The following ID2 variants were observed in gnomAD, a reference collection of about 807,000 sequenced individuals.
The protein encoded by ID2 is inhibitor of DNA binding 2.
Under a neutral mutation model 8.3 loss-of-function variants are expected in ID2, and 2 were observed. The ratio of observed to expected loss-of-function variants is 0.24; its 90% confidence interval spans 0.10 to 0.76. The LOEUF (loss-of-function observed/expected upper bound fraction) is 0.76, where lower values mean the gene tolerates loss of function less well. ID2 is among the 30% of genes least tolerant of loss of function. The pLI is 0.73. For missense variants in ID2, 155 were observed against 167.0 expected, an observed-to-expected ratio of 0.93 and a Z score of 0.40; for synonymous variants, 112 against 72.3, an observed-to-expected ratio of 1.55 and a Z score of -2.79.
In ID2 at chr2:8,682,245, C is replaced by A. The variant is rs200831448; in HGVS notation, c.80C>A (p.Thr27Asn). 1 of 1,614,144 alleles carries A rather than the reference C, an allele frequency of 6.2e-7. No individual in the cohort carries two copies. The highest frequency in any genetic ancestry group is 1.7e-5 in the Admixed American group (1 of 60,028). ...AGCCTGGGCATCTCCCGGAGCAAAA[C>A]CCCTGTGGACGACCCGATGAGCCTG... ...DHSLGISRSKTPVDDPMSLLY... is the reference protein window; with the variant it reads ...DHSLGISRSKNPVDDPMSLLY... The change falls in exon 1 of 3, where the codon ACC (threonine) becomes AAC (asparagine). Residue 27 changes from threonine to asparagine, a missense_variant. Thr to Asn is a moderately conservative substitution (Grantham distance 65). Around this residue, in one of 3 missense-constraint regions of ID2, gnomAD observed 73 missense variants for 72.2 expected, o/e 1.01. Coordinates refer to ENST00000396290, the MANE Select transcript of ID2 (RefSeq NM_002166.5).
chr2:8,682,659 G>A lies in ID2; in HGVS notation c.348+146G>A, dbSNP rs115399969. 3,798 of 720,686 alleles carry A rather than the reference G, an allele frequency of 5.3e-3. 116 individuals carry two copies. In the African/African-American group the frequency reaches 0.058, roughly 11 times the overall value. The allele number at this position is 720,686 out of a possible 1,614,324, so 44.6% of individuals were successfully genotyped here. A position where few individuals can be genotyped will look rare whatever the true frequency, so the allele number is the denominator to read the frequency against. ...TTCAGAATCTGCTGTAGATTGAGCT[G>A]TGCGTGAAATTGCTAGTAAGTTCTG... On this transcript the variant is annotated intron_variant, in intron 1 of 2. Coordinates refer to ENST00000396290, the MANE Select transcript of ID2 (RefSeq NM_002166.5).
In ID2 at chr2:8,683,275, C is replaced by T. The variant is rs967781290; in HGVS notation, c.*7+369C>T. On this transcript the variant is annotated intron_variant, in intron 2 of 2. Coordinates refer to ENST00000396290, the MANE Select transcript of ID2 (RefSeq NM_002166.5). ...TACCGCCACAAATTCCATAGTGATCCTCCTTCCCTAAAACTATAGTCCTCT... is the reference window on the plus strand; with the variant it reads ...TACCGCCACAAATTCCATAGTGATCTTCCTTCCCTAAAACTATAGTCCTCT... 9.8e-5 allele frequency among the ~76,000 whole-genome samples: 15 copies of T among 152,320 alleles called. No homozygotes were observed. The South Asian group carries it at 1.4e-3, about 15-fold the overall frequency.
In ID2 at chr2:8,682,521, C is replaced by G. The variant is rs751759340; in HGVS notation, c.348+8C>G. On this transcript the variant is annotated splice_region_variant and intron_variant, in intron 1 of 2. Coordinates refer to ENST00000396290, the MANE Select transcript of ID2 (RefSeq NM_002166.5). ...AGCATCCTGTCCTTGCAGGTAAGACCTGCTCCGGGGTCCCCGCCCCGCCGC... is the reference window on the plus strand; with the variant it reads ...AGCATCCTGTCCTTGCAGGTAAGACGTGCTCCGGGGTCCCCGCCCCGCCGC... The G allele has an allele frequency of 3.1e-6, 5 of 1,604,104 alleles. No homozygotes were observed. The Middle Eastern group carries it at 5.0e-4, about 160-fold the overall frequency.
Position 8,682,152 on chromosome 2 carries a change from C to T in ID2, c.-14C>T, listed in dbSNP as rs763950440. 1.3e-5 allele frequency: 21 copies of T among 1,605,080 alleles called. No homozygotes were observed. The highest frequency in any genetic ancestry group is 4.4e-5 in the South Asian group (4 of 90,950). On this transcript the variant is annotated 5_prime_UTR_variant, in exon 1 of 3. Coordinates refer to ENST00000396290, the MANE Select transcript of ID2 (RefSeq NM_002166.5). ...GCCAGCTCCCTCCCGGTCTCGCCTT[C>T]CCTCGCGGTCAGCATGAAAGCCTTC... is the stretch of plus-strand genomic sequence containing the variant.
rs1311210075 is a variant in ID2, at chr2:8,684,158, C to T, written c.*481C>T. ...TATAAATATATCTATTTGAGTGAAACCTTGTGAACTCTTTAATTAGAGTTT... is the reference window on the plus strand; with the variant it reads ...TATAAATATATCTATTTGAGTGAAATCTTGTGAACTCTTTAATTAGAGTTT... On this transcript the variant is annotated 3_prime_UTR_variant, in exon 3 of 3. Coordinates refer to ENST00000396290, the MANE Select transcript of ID2 (RefSeq NM_002166.5). The T allele has an allele frequency of 1.3e-5, 2 of 152,036 alleles. No individual in the cohort carries two copies. The highest frequency in any genetic ancestry group is 2.9e-5 in the Non-Finnish European group (2 of 67,978). 9.4% of individuals were successfully genotyped at this position (152,036 alleles called of 1,614,324 possible). A position where few individuals can be genotyped will look rare whatever the true frequency, so the allele number is the denominator to read the frequency against.
In ID2 at chr2:8,683,672, C is replaced by T. The variant is rs1306308358; in HGVS notation, c.*8-13C>T. 1 of 152,442 alleles carries T rather than the reference C, an allele frequency of 6.6e-6. No individual in the cohort carries two copies. Among genetic ancestry groups the T allele is most frequent in the African/African-American group, 2.4e-5 (1 of 41,446 alleles). The allele number at this position is 152,442 out of a possible 1,614,324, so 9.4% of individuals were successfully genotyped here. A position where few individuals can be genotyped will look rare whatever the true frequency, so the allele number is the denominator to read the frequency against. On this transcript the variant is annotated splice_polypyrimidine_tract_variant and intron_variant, in intron 2 of 2. Coordinates refer to ENST00000396290, the MANE Select transcript of ID2 (RefSeq NM_002166.5). ...TTCTCTTAAACATGCCTTTCTCCCC[C>T]ACTCTTTCGCAGGTGTTCATGATTT... is the stretch of plus-strand genomic sequence containing the variant.
chr2:8,682,093 A>C lies in ID2; in HGVS notation c.-73A>C, dbSNP rs1047861051. On this transcript the variant is annotated 5_prime_UTR_variant, in exon 1 of 3. Coordinates refer to ENST00000396290, the MANE Select transcript of ID2 (RefSeq NM_002166.5). The stretch of plus-strand genomic sequence containing the variant: ...GCCCGGTGCCAAGCGCAGCTAGCTC[A>C]GCAGGCGGCAGCGGCGGCCTGAGCT... 8.9e-6 allele frequency: 11 copies of C among 1,238,974 alleles called. No individual in the cohort carries two copies. Among genetic ancestry groups the C allele is most frequent in the Non-Finnish European group, 1.3e-5 (11 of 866,346 alleles). 76.7% of individuals were successfully genotyped at this position (1,238,974 alleles called of 1,614,324 possible). A position where few individuals can be genotyped will look rare whatever the true frequency, so the allele number is the denominator to read the frequency against.
rs763639723 is a variant in ID2, at chr2:8,682,409, C to G, written c.244C>G (p.His82Asp). The change falls in exon 1 of 3, where the codon CAT becomes GAT. Residue 82 changes from histidine to aspartate, a missense_variant. This residue lies in a region of ID2 where 75 missense variants were observed against 72.2 expected (regional missense o/e 1.04). Transcript: ENST00000396290. ...ILDLQIALDS[H>D]PTIVSLHHQR... ...GGACCTGCAGATCGCCCTGGACTCG[C>G]ATCCCACTATTGTCAGCCTGCATCA... 1.2e-6 allele frequency: 2 copies of G among 1,613,770 alleles called. No homozygotes were observed. The highest frequency in any genetic ancestry group is 1.7e-6 in the Non-Finnish European group (2 of 1,180,034).
At position 8,682,429 on chromosome 2, in the gene ID2, G is replaced by A. The variant is rs778724135; in HGVS notation, c.264G>A (p.Leu88=). ...ACTCGCATCCCACTATTGTCAGCCT[G>A]CATCACCAGAGACCCGGGCAGAACC... is the stretch of plus-strand genomic sequence containing the variant. ...ALDSHPTIVS[L]HHQRPGQNQA... The change falls in exon 1 of 3, where the codon CTG becomes CTA. Residue 88 remains leucine (L), a synonymous_variant. Coordinates refer to ENST00000396290, the MANE Select transcript of ID2 (RefSeq NM_002166.5). 6.2e-7 allele frequency: 1 copy of A among 1,613,780 alleles called. No individual in the cohort carries two copies. Among genetic ancestry groups the A allele is most frequent in the Non-Finnish European group, 8.5e-7 (1 of 1,180,020 alleles).
Position 8,682,081 on chromosome 2 carries a change from C to A in ID2, c.-85C>A, listed in dbSNP as rs370253509. 3 of 1,106,588 alleles carry A rather than the reference C, an allele frequency of 2.7e-6. No homozygotes were observed. The East Asian group carries it at 7.1e-5, about 26-fold the overall frequency. The allele number at this position is 1,106,588 out of a possible 1,614,324, so 68.5% of individuals were successfully genotyped here. A position where few individuals can be genotyped will look rare whatever the true frequency, so the allele number is the denominator to read the frequency against. ...ATTCTGAGCCGAGCCCGGTGCCAAGCGCAGCTAGCTCAGCAGGCGGCAGCG... is the reference window on the plus strand; with the variant it reads ...ATTCTGAGCCGAGCCCGGTGCCAAGAGCAGCTAGCTCAGCAGGCGGCAGCG... On this transcript the variant is annotated 5_prime_UTR_variant, in exon 1 of 3. Transcript: ENST00000396290.
intron 1 of ID2, 60 bp downstream of exon 1, chr2:8,682,573 G>C: frequency 8.1e-7 from 1 of 1,229,924 alleles, no homozygotes. Flanking sequence ...CGTCTGGGCT[G>C]TCACTAGGAG....
In ID2 at chr2:8,684,221, A is replaced by G. The variant is rs992173044; in HGVS notation, c.*544A>G. ...GCAGAGATGTCTATTTCTGCATTCA[A>G]AAGTGTAATGATGTACTTATTCATG... On this transcript the variant is annotated 3_prime_UTR_variant, in exon 3 of 3. Coordinates refer to ENST00000396290, the MANE Select transcript of ID2 (RefSeq NM_002166.5). 6.6e-6 allele frequency: 1 copy of G among 152,408 alleles called. No individual in the cohort carries two copies. The highest frequency in any genetic ancestry group is 1.5e-5 in the Non-Finnish European group (1 of 68,032). 9.4% of individuals were successfully genotyped at this position (152,408 alleles called of 1,614,324 possible).
rs767153720 is a variant in ID2 at position 8,682,324 on chromosome 2, C to T, written c.159C>T (p.Ile53=). The change falls in exon 1 of 3, where the codon ATC becomes ATT. Residue 53 remains isoleucine (I), a synonymous_variant. Transcript: ENST00000396290. ...YSKLKELVPS[I]PQNKKVSKME... is the part of the protein sequence containing the mutation. ...AGCTCAAGGAGCTGGTGCCCAGCAT[C>T]CCCCAGAACAAGAAGGTGAGCAAGA... is the stretch of plus-strand genomic sequence containing the variant. 1.2e-6 allele frequency: 2 copies of T among 1,614,150 alleles called. No homozygotes were observed. Among genetic ancestry groups the T allele is most frequent in the East Asian group, 2.2e-5 (1 of 44,888 alleles).
At chr2:8,682,946 T>A (rs960481095) in intron 2 of ID2, 40 bp downstream of exon 2, 1 of 1,492,744 alleles carries the variant, frequency 6.7e-7, no homozygotes, top group Admixed American at 1.7e-5. Context: ...AAACTGCCCC[T>A]CGGTGTGTGT....
Position 8,682,079 on chromosome 2 carries a change from A to C in ID2, c.-87A>C, listed in dbSNP as rs1260205828. 4 of 1,091,368 alleles carry C rather than the reference A, an allele frequency of 3.7e-6. No individual in the cohort carries two copies. Among genetic ancestry groups the C allele is most frequent in the Non-Finnish European group, 5.4e-6 (4 of 746,810 alleles). 67.6% of individuals were successfully genotyped at this position (1,091,368 alleles called of 1,614,324 possible). On this transcript the variant is annotated 5_prime_UTR_variant, in exon 1 of 3. Transcript: ENST00000396290. ...TCATTCTGAGCCGAGCCCGGTGCCA[A>C]GCGCAGCTAGCTCAGCAGGCGGCAG...
In ID2 at chr2:8,682,059, C is replaced by G. The variant is rs914727699; in HGVS notation, c.-107C>G. 6.0e-6 allele frequency: 5 copies of G among 829,358 alleles called. No individual in the cohort carries two copies. In the African/African-American group the frequency reaches 8.6e-5, roughly 14 times the overall value. The allele number at this position is 829,358 out of a possible 1,614,324, so 51.4% of individuals were successfully genotyped here. On this transcript the variant is annotated 5_prime_UTR_variant, in exon 1 of 3. Coordinates refer to ENST00000396290, the MANE Select transcript of ID2 (RefSeq NM_002166.5). Reference sequence around the variant, plus strand: ...CGCCCCGCCGGGCTCGGGCTTCATTCTGAGCCGAGCCCGGTGCCAAGCGCA... The same window carrying G: ...CGCCCCGCCGGGCTCGGGCTTCATTGTGAGCCGAGCCCGGTGCCAAGCGCA...
intron 1 of ID2, 30 bp downstream of exon 1, chr2:8,682,543 C>A: frequency 6.6e-7 from 1 of 1,524,354 alleles, no homozygotes; most frequent in Non-Finnish European, 9.0e-7. Flanking sequence ...CCCCGCCCCG[C>A]CGCCGCACAC....
rs1253273388 is a variant in ID2, at chr2:8,682,327, C to T, written c.162C>T (p.Pro54=). The T allele has an allele frequency of 2.5e-6, 4 of 1,614,146 alleles. No homozygotes were observed. The highest frequency in any genetic ancestry group is 3.4e-6 in the Non-Finnish European group (4 of 1,180,032). ...SKLKELVPSI[P]QNKKVSKMEI... is the part of the protein sequence containing the mutation. ...TCAAGGAGCTGGTGCCCAGCATCCC[C>T]CAGAACAAGAAGGTGAGCAAGATGG... Residue 54 remains proline, a synonymous_variant, in exon 1 of 3, where the codon CCC becomes CCT. Transcript: ENST00000396290.
intron 2 of ID2, among the ~76,000 whole-genome samples, 151 bp from the exon 3 acceptor site, chr2:8,683,532 AGT>A (rs1210984457): frequency 6.6e-6 from 1 of 152,108 alleles, no homozygotes; most frequent in African/African-American, 2.4e-5. Context: ...TGTCGAGGCG[AGT>A]GTGTGTGTTG....
Sources: allele counts gnomAD v4.1 joint callset (sites outside exome capture counted in the v4.1 genomes callset), GRCh38; gene constraint gnomAD v4.1.1; regional missense constraint gnomAD v4.1.1; transcripts MANE v1.5; gene names NCBI Gene and HGNC (gene_info 2026-07-23, HGNC 2026-07-21).